CNTLN: variants seen among roughly 807,000 people sequenced by gnomAD.
CNTLN encodes the protein centlein, centrosomal protein.
Under a neutral mutation model 180.0 loss-of-function variants are expected in CNTLN, and 212 were observed. The observed-to-expected ratio is 1.18, with a 90% CI of 1.05 to 1.32. The LOEUF is 1.32. Ranked by LOEUF, CNTLN falls within the 40% of genes most tolerant of loss-of-function variation. The probability of loss-of-function intolerance (pLI) is 0.00; values close to 1 mark genes in which losing one functional copy is unlikely to be tolerated. For synonymous variants in CNTLN, 722 were observed against 563.1 expected (o/e 1.28, Z -3.99); for missense variants, 2,095 against 1,610.9 (o/e 1.30, Z -5.14).
At chr9:17,245,467 T>G (rs1364095044) in intron 5 of CNTLN, among the ~76,000 whole-genome samples, 1 of 151,336 alleles carries the variant, frequency 6.6e-6, no homozygotes, top group Non-Finnish European at 1.5e-5. Context: ...GCTGTCAGTA[T>G]CCTTTCTTTA....
At chr9:17,425,183 C>T (rs932341840) in intron 18 of CNTLN, among the ~76,000 whole-genome samples, 1 of 152,104 alleles carries the variant, frequency 6.6e-6, no homozygotes, top group Non-Finnish European at 1.5e-5. Flanking sequence ...ATTATTGCTA[C>T]AGACTGAATT....
At chr9:17,378,647 C>A (rs1161165423) in intron 13 of CNTLN, among the ~76,000 whole-genome samples, 2 of 151,984 alleles carry the variant, frequency 1.3e-5, no homozygotes, top group African/African-American at 2.4e-5. Flanking sequence ...TTGGTAAGTT[C>A]TTTTCTTCCT....
chr9:17,422,182 C>T (rs1156628785), intron 18 of CNTLN, among the ~76,000 whole-genome samples: 1 of 152,104 alleles, frequency 6.6e-6, no homozygotes, highest in Non-Finnish European at 1.5e-5. Context: ...GATAAACGTT[C>T]TTTTCTTTAG....
chr9:17,224,101 G>A (rs141756443), intron 2 of CNTLN, among the ~76,000 whole-genome samples: 47 of 151,966 alleles, frequency 3.1e-4, no homozygotes, highest in African/African-American at 9.4e-4. Context: ...AACAACCTTC[G>A]TTTCACTCCC....
chr9:17,354,098 G>T (rs1271185267), intron 12 of CNTLN, among the ~76,000 whole-genome samples: 1 of 152,210 alleles, frequency 6.6e-6, no homozygotes, highest in Non-Finnish European at 1.5e-5. Context: ...TGCGGAGGGT[G>T]TACTGGGTCC....
At chr9:17,440,537 C>T (rs1830047138) in intron 18 of CNTLN, among the ~76,000 whole-genome samples, 1 of 145,554 alleles carries the variant, frequency 6.9e-6, no homozygotes, top group South Asian at 2.2e-4. Flanking sequence ...TGAAGTGAGC[C>T]GAGATCACAC....
At chr9:17,276,614 G>C (rs1358367795) in intron 6 of CNTLN, among the ~76,000 whole-genome samples, 2 of 151,934 alleles carry the variant, frequency 1.3e-5, no homozygotes, top group Non-Finnish European at 1.5e-5. Flanking sequence ...CTAGGTTACA[G>C]TATAAATAAG....
At chr9:17,288,615 G>A (rs1325865468) in intron 6 of CNTLN, among the ~76,000 whole-genome samples, 4 of 132,484 alleles carry the variant, frequency 3.0e-5, no homozygotes, top group Non-Finnish European at 6.3e-5. Flanking sequence ...GGGTGTTAAA[G>A]TCTCCCATTA....
intron 25 of CNTLN, among the ~76,000 whole-genome samples, chr9:17,496,848 T>C (rs759976660): frequency 3.3e-5 from 5 of 152,196 alleles, no homozygotes; most frequent in Admixed American, 3.3e-4. Flanking sequence ...CCTTCAAGTA[T>C]ATATACTACA....
chr9:17,185,339 T>C (rs12237062), intron 2 of CNTLN, among the ~76,000 whole-genome samples: 21,240 of 152,246 alleles, frequency 0.14, 1,680 homozygotes, highest in African/African-American at 0.22. Context: ...TGCCAGAAAC[T>C]GGATGGCTCC....
chr9:17,430,050 G>A (rs949542464), intron 18 of CNTLN, among the ~76,000 whole-genome samples: 1 of 151,880 alleles, frequency 6.6e-6, no homozygotes, highest in African/African-American at 2.4e-5. Flanking sequence ...TATTGTATTT[G>A]AATTGATTGT....
At chr9:17,226,787 A>T (rs1824495297) in intron 3 of CNTLN, among the ~76,000 whole-genome samples, 1 of 151,996 alleles carries the variant, frequency 6.6e-6, no homozygotes, top group Admixed American at 6.6e-5. Context: ...ACAGTACAGG[A>T]TGCATAGCAA....
chr9:17,358,830 A>G (rs764889830), intron 12 of CNTLN, among the ~76,000 whole-genome samples: 1 of 152,192 alleles, frequency 6.6e-6, no homozygotes, highest in Non-Finnish European at 1.5e-5. Context: ...ATGTAGCTAC[A>G]TAGCTAAAAT....
At chr9:17,390,534 G>A (rs1826037670) in intron 14 of CNTLN, among the ~76,000 whole-genome samples, 1 of 152,018 alleles carries the variant, frequency 6.6e-6, no homozygotes, top group Non-Finnish European at 1.5e-5. Context: ...ATGAGCCACT[G>A]CACCCGGCCT....
At chr9:17,350,728 C>T (rs1822292902) in intron 12 of CNTLN, among the ~76,000 whole-genome samples, 2 of 152,096 alleles carry the variant, frequency 1.3e-5, no homozygotes, top group South Asian at 2.1e-4. Context: ...TGTATTATCA[C>T]ATTTCAGATT....
chr9:17,304,766 A>G (rs989911002), intron 7 of CNTLN, among the ~76,000 whole-genome samples: 6 of 152,184 alleles, frequency 3.9e-5, no homozygotes, highest in African/African-American at 9.6e-5. Context: ...AACTATTTAC[A>G]TAGTGTTTAC....
chr9:17,422,891 T>C (rs988772935), intron 18 of CNTLN, among the ~76,000 whole-genome samples: 2 of 152,168 alleles, frequency 1.3e-5, no homozygotes, highest in Non-Finnish European at 2.9e-5. Context: ...GAATTGAGTG[T>C]TATGACCTAA....
chr9:17,205,730 G>A (rs553874970), intron 2 of CNTLN, among the ~76,000 whole-genome samples: 32 of 152,260 alleles, frequency 2.1e-4, no homozygotes, highest in Admixed American at 2.0e-3. Context: ...ATGGTTAATC[G>A]GGAGTAAAGA....
chr9:17,284,718 T>C (rs1828873235), intron 6 of CNTLN, among the ~76,000 whole-genome samples: 1 of 152,130 alleles, frequency 6.6e-6, no homozygotes, highest in African/African-American at 2.4e-5. Flanking sequence ...TCTGGATTCA[T>C]TGATTTTTTT....
Sources: gnomAD v4.1 joint callset for allele counts (sites outside exome capture counted in the v4.1 genomes callset) on GRCh38, gnomAD v4.1.1 for gene constraint, MANE v1.5 for transcripts, NCBI Gene and HGNC (gene_info 2026-07-23, HGNC 2026-07-21) for gene names.